Variants in FADS2 observed in about 807,000 individuals in gnomAD.
FADS2 encodes fatty acid desaturase 2.
A neutral mutation model predicts 61.2 loss-of-function variants in FADS2; 18 were observed. The ratio of observed to expected loss-of-function variants is 0.29; its 90% CI spans 0.20 to 0.44. FADS2 has a LOEUF of 0.44. Ranked by LOEUF, FADS2 falls within the 20% of genes least tolerant of loss-of-function variation. The pLI is 1.00. For missense variants in FADS2, 322 were observed against 572.7 expected (o/e 0.56, Z 4.47); for synonymous variants, 203 against 223.9 (o/e 0.91, Z 0.83).
At chr11:61,832,396 T>G (rs1255655664) in intron 1 of FADS2, among the ~76,000 whole-genome samples, 2 of 152,226 alleles carry the variant, frequency 1.3e-5, no homozygotes, top group African/African-American at 2.4e-5. Context: ...TCTCCCCAGC[T>G]GAGATCTGGG....
chr11:61,858,654 C>T (rs939272684), intron 7 of FADS2, among the ~76,000 whole-genome samples: 7 of 151,572 alleles, frequency 4.6e-5, no homozygotes, highest in African/African-American at 7.3e-5. Context: ...GGTGCGATCT[C>T]GGCTCACTGC....
intron 1 of FADS2, among the ~76,000 whole-genome samples, chr11:61,833,287 TC>T (rs1189144001): frequency 1.3e-5 from 2 of 152,216 alleles, no homozygotes; most frequent in African/African-American, 4.8e-5. Flanking sequence ...TGGTTCCAAT[TC>T]TTGGTCCAAA....
At chr11:61,848,617 A>G in intron 5 of FADS2, 1 of 252,596 alleles carries the variant, frequency 4.0e-6, no homozygotes, top group Non-Finnish European at 7.7e-6. Context: ...CCTCATTAGA[A>G]TGGTAGATGT....
chr11:61,817,051 G>T, intron 1 of FADS2: 1 of 1,148,396 alleles, frequency 8.7e-7, no homozygotes, highest in Non-Finnish European at 1.1e-6. Flanking sequence ...CGCCGGATTC[G>T]ACTTCCTGAC....
intron 1 of FADS2, 84 bp from the exon 2 acceptor site, chr11:61,837,694 G>A (rs747704691): frequency 1.1e-5 from 10 of 908,254 alleles, no homozygotes; most frequent in Non-Finnish European, 1.6e-5. Flanking sequence ...ACATGGAGCT[G>A]TTGCTGGTGA....
At chr11:61,860,454 C>G (rs1034475694) in intron 7 of FADS2, among the ~76,000 whole-genome samples, 1 of 152,230 alleles carries the variant, frequency 6.6e-6, no homozygotes, top group African/African-American at 2.4e-5. Flanking sequence ...TTTGCTGTAT[C>G]TGACACCACT....
chr11:61,819,428 CCCAG>C (rs2067017043), intron 1 of FADS2, among the ~76,000 whole-genome samples: 1 of 152,134 alleles, frequency 6.6e-6, no homozygotes, highest in Non-Finnish European at 1.5e-5. Flanking sequence ...CGCCTGTAGT[CCCAG>C]CTACTCGGGA....
chr11:61,857,530 G>C lies in FADS2; in HGVS notation c.882G>C (p.Val294=). 1 of 1,612,960 alleles carries C rather than the reference G, an allele frequency of 6.2e-7. No homozygotes were observed. Among genetic ancestry groups the C allele is most frequent in the Non-Finnish European group, 8.5e-7 (1 of 1,179,000 alleles). The change falls in exon 7 of 12, where the codon GTG becomes GTC. Residue 294 remains valine (V), a splice_region_variant and synonymous_variant. Transcript: ENST00000278840. ...CCATGATCGTCCATAAGAACTGGGT[G>C]GTGAGTTGGGGACACAGCTGGCTTG... is the stretch of plus-strand genomic sequence containing the variant. ...IMTMIVHKNW[V]DLAWAVSYYI...
chr11:61,846,400 C>T (rs2067259458), intron 4 of FADS2, among the ~76,000 whole-genome samples: 1 of 149,108 alleles, frequency 6.7e-6, no homozygotes, highest in Non-Finnish European at 1.5e-5. Flanking sequence ...TGAGCTTTCA[C>T]TCTCTGACTT....
chr11:61,863,267 T>C lies in FADS2; in HGVS notation c.981-15T>C. 6.2e-7 allele frequency: 1 copy of C among 1,607,262 alleles called. No individual in the cohort carries two copies. Among genetic ancestry groups the C allele is most frequent in the Non-Finnish European group, 8.5e-7 (1 of 1,173,772 alleles). On this transcript the variant is annotated splice_polypyrimidine_tract_variant and intron_variant, in intron 8 of 11. Coordinates refer to ENST00000278840, the MANE Select transcript of FADS2 (RefSeq NM_004265.4). ...GCCCCCGGAGGCCCCTGCGCTGAGC[T>C]GTGTTCTCTTGCAGGTTCCTGGAGA...
At chr11:61,824,377 A>G (rs1163691574), upstream of FADS2, among the ~76,000 whole-genome samples, 2 of 135,302 alleles carry the variant, frequency 1.5e-5, no homozygotes, top group Non-Finnish European at 3.2e-5. Flanking sequence ...GTGAGACTCC[A>G]TCTTGGGGGA....
At chr11:61,850,530 T>C (rs1037252031) in intron 5 of FADS2, among the ~76,000 whole-genome samples, 7 of 152,236 alleles carry the variant, frequency 4.6e-5, no homozygotes, top group Admixed American at 1.3e-4. Context: ...ATTACGGGTG[T>C]AAGCCACCGC....
rs372673894 is a variant in FADS2 at position 61,863,396 on chromosome 11, G to C, written c.1077+18G>C. The stretch of plus-strand genomic sequence containing the variant: ...GTAGCCAGGTAGGGAAGTCAGGGCC[G>C]GTCACCAGAGCCTGGTCCCAATGTC... On this transcript the variant is annotated intron_variant, in intron 9 of 11. Transcript: ENST00000278840. The C allele has an allele frequency of 3.9e-6, 6 of 1,550,858 alleles. No individual in the cohort carries two copies. The highest frequency in any genetic ancestry group is 5.3e-6 in the Non-Finnish European group (6 of 1,122,448).
chr11:61,853,270 C>T (rs1415967991), intron 5 of FADS2, among the ~76,000 whole-genome samples: 1 of 98,308 alleles, frequency 1.0e-5, no homozygotes, highest in African/African-American at 6.5e-5. Context: ...TCTCTCCCTC[C>T]CTCCCTTCCC....
intron 7 of FADS2, 142 bp from the exon 8 acceptor site, chr11:61,862,830 G>A (rs1028457711): frequency 1.8e-5 from 12 of 679,578 alleles, no homozygotes; most frequent in East Asian, 5.2e-5. Flanking sequence ...AGCAGGTGGC[G>A]TGTAGTTGCC....
At position 61,837,788 on chromosome 11, in the gene FADS2, G is replaced by A. The variant is rs982324782; in HGVS notation, c.218G>A (p.Arg73His). The change falls in exon 2 of 12, where the codon CGC becomes CAC. Residue 73 changes from arginine to histidine, a missense_variant. Transcript: ENST00000278840. ...CCCTCTGCTCTCCAGGATGCCTTCC[G>A]CGCCTTCCACCCTGACCTGGAATTC... ...YAGEDATDAFRAFHPDLEFVG... is the reference protein window; with the variant it reads ...YAGEDATDAFHAFHPDLEFVG... 6 of 1,611,760 alleles carry A rather than the reference G, an allele frequency of 3.7e-6. No homozygotes were observed. Among genetic ancestry groups the A allele is most frequent in the East Asian group, 2.2e-5 (1 of 44,778 alleles).
intron 7 of FADS2, among the ~76,000 whole-genome samples, chr11:61,859,027 T>G (rs1306696009): frequency 6.6e-6 from 1 of 152,190 alleles, no homozygotes; most frequent in Non-Finnish European, 1.5e-5. Flanking sequence ...CTTAACCAAA[T>G]GTGGACTTGT....
At chr11:61,828,029 A>G, upstream of FADS2, 1 of 1,136,120 alleles carries the variant, frequency 8.8e-7, no homozygotes, top group African/African-American at 1.6e-5. The surrounding 1 kb of genome is among the most constrained non-coding windows in gnomAD (Gnocchi z 6.4). Context: ...ACGCGGGAGG[A>G]TGTGGAACCC....
chr11:61,866,584 C>G lies in FADS2; in HGVS notation c.*895C>G, dbSNP rs751099219. On this transcript the variant is annotated 3_prime_UTR_variant, in exon 12 of 12. Transcript: ENST00000278840. Reference sequence around the variant, plus strand: ...GCAATCTGACCCTTCTCCAAAGGCTCTGTTATCAGCTGGGCAGTGCCAGCC... The same window carrying G: ...GCAATCTGACCCTTCTCCAAAGGCTGTGTTATCAGCTGGGCAGTGCCAGCC... 2 of 152,346 alleles carry G rather than the reference C, an allele frequency of 1.3e-5. No individual in the cohort carries two copies. The highest frequency in any genetic ancestry group is 2.9e-5 in the Non-Finnish European group (2 of 68,060). The allele number at this position is 152,346 out of a possible 1,614,324, so 9.4% of individuals were successfully genotyped here.
Sources: allele counts gnomAD v4.1 joint callset (sites outside exome capture counted in the v4.1 genomes callset), GRCh38; gene constraint gnomAD v4.1.1; non-coding constraint Gnocchi (gnomAD v3.1); transcripts MANE v1.5; gene names NCBI Gene and HGNC (gene_info 2026-07-23, HGNC 2026-07-21).